EPHA5: variants seen among roughly 807,000 people sequenced by gnomAD.
The protein encoded by EPHA5 is ephrin type-A receptor 5.
A neutral mutation model predicts 105.0 loss-of-function variants in EPHA5; 60 were observed. The observed-to-expected ratio is 0.57, with a 90% CI of 0.46 to 0.71. EPHA5 has a LOEUF of 0.71. EPHA5 is among the 30% of genes least tolerant of loss of function. EPHA5 has a pLI of 0.00. For missense variants in EPHA5, 1,218 were observed against 1,274.7 expected (o/e 0.96, Z 0.68); for synonymous variants, 513 against 449.1 (o/e 1.14, Z -1.80).
intron 11 of EPHA5, among the ~76,000 whole-genome samples, chr4:65,353,532 A>ACC (rs1723028556): frequency 7.2e-6 from 1 of 139,816 alleles, no homozygotes; most frequent in African/African-American, 2.6e-5. Context: ...ACACACACAC[A>ACC]CCCTTGCCAA....
chr4:65,408,905 G>A (rs1451522248), intron 7 of EPHA5, among the ~76,000 whole-genome samples: 1 of 151,944 alleles, frequency 6.6e-6, no homozygotes, highest in Non-Finnish European at 1.5e-5. Context: ...GTTTATTAAG[G>A]CATTATTAAC....
intron 8 of EPHA5, among the ~76,000 whole-genome samples, chr4:65,400,484 C>G (rs574078230): frequency 6.6e-6 from 1 of 152,068 alleles, no homozygotes; most frequent in African/African-American, 2.4e-5. Context: ...CTAAAATTGT[C>G]AAGAATTCTA....
intron 5 of EPHA5, among the ~76,000 whole-genome samples, chr4:65,423,978 T>C (rs1257254689): frequency 6.6e-6 from 1 of 152,006 alleles, no homozygotes; most frequent in Non-Finnish European, 1.5e-5. Context: ...TAAAGATGCA[T>C]ATATACTGAT....
chr4:65,656,763 C>T (rs1254902635), intron 1 of EPHA5, among the ~76,000 whole-genome samples: 3 of 150,912 alleles, frequency 2.0e-5, no homozygotes, highest in African/African-American at 4.9e-5. Flanking sequence ...TACAGGTGCA[C>T]GCCACCATGT....
chr4:65,578,689 C>T (rs982106328), intron 3 of EPHA5, among the ~76,000 whole-genome samples: 3 of 152,056 alleles, frequency 2.0e-5, no homozygotes, highest in Admixed American at 6.5e-5. Context: ...ACGAGAGTAC[C>T]GAAAGGACAC....
At chr4:65,414,646 T>C (rs1264604450) in intron 6 of EPHA5, among the ~76,000 whole-genome samples, 1 of 152,186 alleles carries the variant, frequency 6.6e-6, no homozygotes, top group African/African-American at 2.4e-5. Context: ...CTCAAGGTGG[T>C]GGGTGACATA....
intron 5 of EPHA5, among the ~76,000 whole-genome samples, chr4:65,484,841 AG>A (rs1560592650): frequency 7.3e-5 from 11 of 151,596 alleles, no homozygotes; most frequent in African/African-American, 2.7e-4. Context: ...GAAATTTCAG[AG>A]TAACTGTTTT....
chr4:65,645,491 A>C (rs1378047390), intron 1 of EPHA5, among the ~76,000 whole-genome samples: 2 of 152,172 alleles, frequency 1.3e-5, no homozygotes, highest in African/African-American at 4.8e-5. Context: ...TGAGAAACAC[A>C]GCATTCCTTG....
chr4:65,458,062 A>C (rs1727771134), intron 5 of EPHA5, among the ~76,000 whole-genome samples: 1 of 110,950 alleles, frequency 9.0e-6, no homozygotes, highest in East Asian at 2.9e-4. Context: ...TGACAGAGCG[A>C]CACTCCATCC....
Position 65,378,688 on chromosome 4 carries a change from A to T in EPHA5, c.1794-11264T>A, listed in dbSNP as rs2034536. 2.6e-4 allele frequency among the ~76,000 whole-genome samples: 40 copies of T among 152,066 alleles called. No individual in the cohort carries two copies. The East Asian group carries it at 6.6e-3, about 25-fold the overall frequency. The stretch of plus-strand genomic sequence containing the variant: ...ATGTATGTCTTATAAAGCCTAAATC[A>T]AATATCTGGCCCTTTAAAAACCGTT... On this transcript the variant is annotated intron_variant, in intron 8 of 16. Transcript: ENST00000613740.
At chr4:65,535,966 T>G (rs1214711608) in intron 3 of EPHA5, among the ~76,000 whole-genome samples, 1 of 152,004 alleles carries the variant, frequency 6.6e-6, no homozygotes, top group African/African-American at 2.4e-5. Context: ...TATTTTGTCT[T>G]TATACATTTT....
chr4:65,525,348 T>C (rs955621756), intron 3 of EPHA5, among the ~76,000 whole-genome samples: 1 of 151,814 alleles, frequency 6.6e-6, no homozygotes, highest in African/African-American at 2.4e-5. Flanking sequence ...CCCAGGACCA[T>C]GAAATGATAA....
chr4:65,587,599 A>G (rs1415913646), intron 3 of EPHA5, among the ~76,000 whole-genome samples: 2 of 152,090 alleles, frequency 1.3e-5, no homozygotes. Context: ...CCCCATCTGG[A>G]TATTCCCATA....
chr4:65,498,737 G>A lies in EPHA5; in HGVS notation c.911-3194C>T, dbSNP rs558032431. Among the ~76,000 whole-genome samples the A allele has an allele frequency of 5.3e-5, 8 of 151,830 alleles. No individual in the cohort carries two copies. The South Asian group carries it at 1.2e-3, about 24-fold the overall frequency. On this transcript the variant is annotated intron_variant, in intron 3 of 16. Transcript: ENST00000613740. ...TTTCTCAGAGAACAGGACATGAAAT[G>A]TGTTGGAGAAGATAATGAGTAATAT...
intron 2 of EPHA5, among the ~76,000 whole-genome samples, chr4:65,634,119 C>A (rs1746895778): frequency 6.6e-6 from 1 of 151,872 alleles, no homozygotes; most frequent in South Asian, 2.1e-4. Context: ...TAGCCAATTG[C>A]AGTTGGGTTA....
intron 3 of EPHA5, among the ~76,000 whole-genome samples, chr4:65,597,637 T>C (rs185844515): frequency 1.3e-5 from 2 of 152,312 alleles, no homozygotes; most frequent in East Asian, 1.9e-4. Flanking sequence ...CAGTTTATTA[T>C]AGAAAATTTA....
chr4:65,580,695 C>T (rs956204139), intron 3 of EPHA5, among the ~76,000 whole-genome samples: 2 of 151,842 alleles, frequency 1.3e-5, no homozygotes, highest in African/African-American at 4.8e-5. Flanking sequence ...TCCCTCCTCC[C>T]CTGTCCCTCA....
intron 3 of EPHA5, among the ~76,000 whole-genome samples, chr4:65,581,743 A>G (rs1037299562): frequency 4.6e-5 from 7 of 151,744 alleles, no homozygotes; most frequent in Non-Finnish European, 8.9e-5. Context: ...GAACTAGTTA[A>G]CTTATTGGCA....
chr4:65,523,829 G>A (rs1438170886), intron 3 of EPHA5, among the ~76,000 whole-genome samples: 1 of 151,886 alleles, frequency 6.6e-6, no homozygotes, highest in Admixed American at 6.6e-5. Context: ...CACGGTTTCA[G>A]GTTCAAAGGA....
Sources: gnomAD v4.1 joint callset for allele counts (sites outside exome capture counted in the v4.1 genomes callset) on GRCh38, gnomAD v4.1.1 for gene constraint, MANE v1.5 for transcripts, NCBI Gene and HGNC (gene_info 2026-07-23, HGNC 2026-07-21) for gene names.